The following PCDH7 variants were observed in gnomAD, a reference collection of about 807,000 sequenced individuals.
The protein encoded by PCDH7 is protocadherin 7.
A neutral mutation model predicts 58.9 loss-of-function variants in PCDH7; 17 were observed. The ratio of observed to expected loss-of-function variants is 0.29; its 90% CI spans 0.20 to 0.43. The LOEUF (loss-of-function observed/expected upper bound fraction) is 0.43. Ranked by LOEUF, PCDH7 falls within the 20% of genes least tolerant of loss-of-function variation. The pLI is 1.00. For missense variants in PCDH7, 1,274 were observed against 1,441.0 expected, an observed-to-expected ratio of 0.88 and a Z score of 1.88; for synonymous variants, 664 against 616.4, an observed-to-expected ratio of 1.08 and a Z score of -1.14.
At chr4:30,964,552 T>C (rs1748815061) in intron 3 of PCDH7, among the ~76,000 whole-genome samples, 1 of 151,980 alleles carries the variant, frequency 6.6e-6, no homozygotes, top group Non-Finnish European at 1.5e-5. Flanking sequence ...AGTAGTTTTA[T>C]TTATTTGGGG....
At chr4:30,887,145 A>G (rs528242619) in intron 1 of PCDH7, among the ~76,000 whole-genome samples, 1 of 152,254 alleles carries the variant, frequency 6.6e-6, no homozygotes, top group Non-Finnish European at 1.5e-5. Context: ...AATAAAAAAA[A>G]GCTATGTATA....
At chr4:31,121,107 C>A (rs2109323679) in intron 3 of PCDH7, among the ~76,000 whole-genome samples, 1 of 152,214 alleles carries the variant, frequency 6.6e-6, no homozygotes, top group Admixed American at 6.5e-5. Flanking sequence ...AGTACATGTT[C>A]ATTATTCACA....
In PCDH7 at chr4:30,723,998, T is replaced by C. The variant is rs1714221232; in HGVS notation, c.2576T>C (p.Ile859Thr). ...TCCCAGATAGCTAGAAGTTTGCACA[T>C]CCCACTCACCCAGGATATAGCTGGT... Residue 859 changes from isoleucine to threonine, a missense_variant, in exon 1 of 2, where the codon ATC becomes ACC. Physicochemically the swap from Ile to Thr is moderately conservative, Grantham distance 89. Coordinates refer to ENST00000361762, the Ensembl canonical transcript of PCDH7. The surrounding 1 kb of genome is among the most constrained non-coding windows in gnomAD (Gnocchi z 4.6). The C allele has an allele frequency of 6.2e-7, 1 of 1,614,154 alleles. No homozygotes were observed. The highest frequency in any genetic ancestry group is 1.6e-4 in the Middle Eastern group (1 of 6,062).
intron 1 of PCDH7, among the ~76,000 whole-genome samples, chr4:30,789,143 T>A (rs1723793797): frequency 6.6e-6 from 1 of 152,122 alleles, no homozygotes; most frequent in Non-Finnish European, 1.5e-5. Flanking sequence ...GGTCCCCCCC[T>A]AAGTTAATTG....
At chr4:31,108,168 G>A (rs562081188) in intron 3 of PCDH7, among the ~76,000 whole-genome samples, 1 of 151,776 alleles carries the variant, frequency 6.6e-6, no homozygotes, top group Non-Finnish European at 1.5e-5. Context: ...CATGTTTATG[G>A]TATGAAATCT....
intron 3 of PCDH7, among the ~76,000 whole-genome samples, chr4:31,017,543 T>C (rs1026047360): frequency 6.6e-6 from 1 of 152,116 alleles, no homozygotes; most frequent in Non-Finnish European, 1.5e-5. Context: ...TTTTATTTAA[T>C]AAAGTTTCTG....
chr4:30,735,209 A>G (rs1025859216), downstream of PCDH7, among the ~76,000 whole-genome samples: 1 of 152,162 alleles, frequency 6.6e-6, no homozygotes, highest in Non-Finnish European at 1.5e-5. Flanking sequence ...ATGTAGATAC[A>G]TGTGCACACA....
chr4:31,028,746 C>A (rs1340504966), intron 3 of PCDH7, among the ~76,000 whole-genome samples: 2 of 151,878 alleles, frequency 1.3e-5, no homozygotes, highest in Non-Finnish European at 2.9e-5. Flanking sequence ...AGCTACAGTT[C>A]TTCATGATGG....
intron 1 of PCDH7, among the ~76,000 whole-genome samples, chr4:30,915,939 C>T (rs1272657092): frequency 6.6e-6 from 1 of 152,176 alleles, no homozygotes; most frequent in Non-Finnish European, 1.5e-5. Flanking sequence ...CAACAAACCA[C>T]TGCCTTTGCA....
chr4:30,769,469 C>G (rs1721134268), intron 1 of PCDH7, among the ~76,000 whole-genome samples: 1 of 152,178 alleles, frequency 6.6e-6, no homozygotes, highest in Non-Finnish European at 1.5e-5. Flanking sequence ...GGCTTTAAGA[C>G]TTGCCTTCCC....
chr4:30,862,840 TTA>T (rs144282653), intron 1 of PCDH7, among the ~76,000 whole-genome samples: 13,142 of 152,084 alleles, frequency 0.086, 746 homozygotes, highest in Non-Finnish European at 0.12. Context: ...CACTACATTA[TTA>T]AAGGGTTACT....
intron 3 of PCDH7, among the ~76,000 whole-genome samples, chr4:30,994,272 G>C (rs924109524): frequency 6.6e-6 from 1 of 152,140 alleles, no homozygotes; most frequent in Non-Finnish European, 1.5e-5. Context: ...AATTTAGCCA[G>C]CCATTGGAAA....
At chr4:30,790,566 A>T (rs1280478493) in intron 1 of PCDH7, among the ~76,000 whole-genome samples, 2 of 152,228 alleles carry the variant, frequency 1.3e-5, no homozygotes, top group East Asian at 3.9e-4. Flanking sequence ...GGTACTCATT[A>T]GTTCTAGCAT....
rs560221230 is a variant in PCDH7, at chr4:31,038,567, C to T, written c.*7+88352C>T. Among the ~76,000 whole-genome samples, 179 of 152,140 alleles carry T rather than the reference C, an allele frequency of 1.2e-3. 2 individuals are homozygous for T. The South Asian group carries it at 0.018, about 16-fold the overall frequency. ...ATAATTTTAATGAATTGTATATCTT[C>T]AAAAGATATTATTTTATATTTTTCA... is the stretch of plus-strand genomic sequence containing the variant. On this transcript the variant is annotated intron_variant, in intron 3 of 3. Transcript: ENST00000509759.
At chr4:31,043,857 G>A (rs142925615) in intron 3 of PCDH7, among the ~76,000 whole-genome samples, 75 of 152,150 alleles carry the variant, frequency 4.9e-4, no homozygotes, top group African/African-American at 1.7e-3. Context: ...CAGTTACTGA[G>A]TTTACAAAGG....
intron 3 of PCDH7, among the ~76,000 whole-genome samples, chr4:31,075,682 T>C (rs1381712555): frequency 6.6e-6 from 1 of 152,122 alleles, no homozygotes; most frequent in Non-Finnish European, 1.5e-5. Flanking sequence ...CAAAGGTCAG[T>C]GTCTGACTAT....
rs570478994 is a variant in PCDH7, at chr4:31,076,862, A to C, written c.*8-65611A>C. ...AACAATTCTTATTCATGTCAAACAAAATCTTTGCACACTTAGGATAAAAGG... is the reference window on the plus strand; with the variant it reads ...AACAATTCTTATTCATGTCAAACAACATCTTTGCACACTTAGGATAAAAGG... On this transcript the variant is annotated intron_variant, in intron 3 of 3. Transcript: ENST00000509759. 1.3e-3 allele frequency among the ~76,000 whole-genome samples: 201 copies of C among 152,248 alleles called. 5 individuals carry two copies. The South Asian group carries it at 0.025, about 19-fold the overall frequency.
intron 3 of PCDH7, among the ~76,000 whole-genome samples, chr4:31,080,082 C>T (rs1353271693): frequency 6.6e-6 from 1 of 152,136 alleles, no homozygotes. Context: ...GGTCCTTCAA[C>T]ATATTTAACT....
chr4:30,886,083 C>T (rs1737702595), intron 1 of PCDH7, among the ~76,000 whole-genome samples: 1 of 151,674 alleles, frequency 6.6e-6, no homozygotes, highest in African/African-American at 2.4e-5. Context: ...ATGTCTAAAA[C>T]ACCAAAAGCA....
Sources: allele counts gnomAD v4.1 joint callset (sites outside exome capture counted in the v4.1 genomes callset), GRCh38; gene constraint gnomAD v4.1.1; non-coding constraint Gnocchi (gnomAD v3.1); transcripts MANE v1.5; gene names NCBI Gene and HGNC (gene_info 2026-07-23, HGNC 2026-07-21).